PTPRS: variants seen among roughly 807,000 people sequenced by gnomAD.
PTPRS encodes protein tyrosine phosphatase receptor type S.
In PTPRS, 63 loss-of-function variants were observed where a neutral mutation model predicts 215.3. That is an observed-to-expected ratio of 0.29 (90% CI 0.24 to 0.36). PTPRS has a LOEUF of 0.36. Among genes scored for constraint, PTPRS ranks in the 10% least tolerant of loss-of-function variants. The pLI, the probability that PTPRS is intolerant of heterozygous loss-of-function variation, is 1.00. For missense variants in PTPRS, 2,258 were observed against 2,825.8 expected, an observed-to-expected ratio of 0.80 and a Z score of 4.56; for synonymous variants, 1,404 against 1,191.4, an observed-to-expected ratio of 1.18 and a Z score of -3.68.
At chr19:5,231,979 C>G (rs1265413428) in intron 13 of PTPRS, among the ~76,000 whole-genome samples, 1 of 152,234 alleles carries the variant, frequency 6.6e-6, no homozygotes, top group Non-Finnish European at 1.5e-5. Flanking sequence ...CTACTATGTG[C>G]TTGGCATCGT....
Position 5,244,012 on chromosome 19 carries a change from T to TTAAAAAA in PTPRS, c.1458_1459insTTTTTTA (p.Thr487PhefsTer142). The TTAAAAAA allele has an allele frequency of 6.7e-7, 1 of 1,493,690 alleles. No homozygotes were observed. Among genetic ancestry groups the TTAAAAAA allele is most frequent in the Non-Finnish European group, 8.9e-7 (1 of 1,119,160 alleles). The allele number at this position is 1,493,690 out of a possible 1,614,324, so 92.5% of individuals were successfully genotyped here. ...TCGTCCTCCAGCAGGCTGCCCACGG[T>TTAAAAAA]GGTCAGCAGGCTGTCGTCCACGTTG... On this transcript the variant is annotated frameshift_variant, in exon 11 of 38. Coordinates refer to ENST00000262963, the MANE Select transcript of PTPRS (RefSeq NM_002850.4). LOFTEE classifies it high-confidence loss of function. The surrounding 1 kb of genome is among the most constrained non-coding windows in gnomAD (Gnocchi z 7.2).
chr19:5,279,783 C>T (rs1182569345), intron 2 of PTPRS, among the ~76,000 whole-genome samples: 5 of 152,128 alleles, frequency 3.3e-5, no homozygotes, highest in African/African-American at 7.2e-5. Context: ...CCCGGATTCA[C>T]GCCATTCTCC....
intron 1 of PTPRS, among the ~76,000 whole-genome samples, chr19:5,317,769 GT>G (rs1167496535): frequency 6.6e-6 from 1 of 152,188 alleles, no homozygotes; most frequent in African/African-American, 2.4e-5. Context: ...GCCAGGTGCA[GT>G]GGTTCATGCC....
At chr19:5,279,390 A>G (rs1467681038) in intron 2 of PTPRS, among the ~76,000 whole-genome samples, 3 of 151,312 alleles carry the variant, frequency 2.0e-5, no homozygotes, top group Non-Finnish European at 4.4e-5. Context: ...TTTTTTTTAC[A>G]GAGACAGGGT....
At chr19:5,304,756 G>T (rs1284223262) in intron 1 of PTPRS, among the ~76,000 whole-genome samples, 1 of 152,192 alleles carries the variant, frequency 6.6e-6, no homozygotes, top group Non-Finnish European at 1.5e-5. Flanking sequence ...AAATTGCGCT[G>T]GGCTGGGGCA....
At chr19:5,277,813 A>G (rs1020518807) in intron 2 of PTPRS, 2 of 758,862 alleles carry the variant, frequency 2.6e-6, no homozygotes, top group Admixed American at 1.7e-5. Flanking sequence ...CAGTCAGACC[A>G]ATATGTCAAA....
Position 5,265,082 on chromosome 19 carries a change from T to C in PTPRS, c.494A>G (p.Glu165Gly), listed in dbSNP as rs1733445812. ...LCAASGNPDPEITWFKDFLPV... is the reference protein window; with the variant it reads ...LCAASGNPDPGITWFKDFLPV... ...CAGGAAGTCCTTGAACCAGGTGATC[T>C]CAGGGTCAGGGTTGCCGCTGGCTGC... The change falls in exon 5 of 38, where the codon GAG becomes GGG. Residue 165 changes from glutamate to glycine, a missense_variant. Glu to Gly is a moderately conservative substitution (Grantham distance 98, BLOSUM62 -2). Transcript: ENST00000262963. The C allele has an allele frequency of 6.2e-7, 1 of 1,614,030 alleles. No individual in the cohort carries two copies. Among genetic ancestry groups the C allele is most frequent in the Non-Finnish European group, 8.5e-7 (1 of 1,180,022 alleles).
chr19:5,212,031 G>C lies in PTPRS; in HGVS notation c.4989C>G (p.Ala1663=), dbSNP rs748555790. Reference sequence around the variant, plus strand: ...CCACCTGGGCCAGCTTCTGGATGTAGGCATAGAGGCTGCGTGCGGGCACTT... The same window carrying C: ...CCACCTGGGCCAGCTTCTGGATGTACGCATAGAGGCTGCGTGCGGGCACTT... ...NTEVPARSLY[A]YIQKLAQVEP... The change falls in exon 32 of 38, where the codon GCC becomes GCG. Residue 1663 remains alanine (A), a synonymous_variant. Transcript: ENST00000262963. 3.7e-6 allele frequency: 6 copies of C among 1,613,898 alleles called. No individual in the cohort carries two copies. The Admixed American group carries it at 1.0e-4, about 27-fold the overall frequency.
At chr19:5,251,450 C>T (rs1364069616) in intron 9 of PTPRS, among the ~76,000 whole-genome samples, 1 of 145,170 alleles carries the variant, frequency 6.9e-6, no homozygotes, top group African/African-American at 2.6e-5. Flanking sequence ...TTTTTTGGTA[C>T]CCGCTCTCTC....
intron 1 of PTPRS, among the ~76,000 whole-genome samples, chr19:5,307,988 T>C (rs997613247): frequency 6.6e-6 from 1 of 152,126 alleles, no homozygotes; most frequent in African/African-American, 2.4e-5. Flanking sequence ...ATTTACAAGG[T>C]GGTCCTTTAT....
intron 1 of PTPRS, 45 bp from the exon 2 acceptor site, chr19:5,286,279 A>G (rs773622783): frequency 1.6e-5 from 15 of 924,308 alleles, no homozygotes; most frequent in Non-Finnish European, 2.5e-5. Flanking sequence ...GGGGAAATCC[A>G]GGAGACCTTC....
intron 1 of PTPRS, among the ~76,000 whole-genome samples, chr19:5,313,823 G>A (rs998714590): frequency 2.6e-5 from 4 of 152,056 alleles, no homozygotes; most frequent in Non-Finnish European, 5.9e-5. Flanking sequence ...TGCTGGGCAC[G>A]CAGTGGCTCA....
intron 9 of PTPRS, among the ~76,000 whole-genome samples, chr19:5,254,898 C>T (rs2045432558): frequency 6.6e-6 from 1 of 152,182 alleles, no homozygotes; most frequent in African/African-American, 2.4e-5. Context: ...CAGCAGCTGC[C>T]ATTTTGAGTG....
At chr19:5,264,953 C>T (rs1165018252) in intron 5 of PTPRS, 55 bp downstream of exon 5, 2 of 1,590,810 alleles carry the variant, frequency 1.3e-6, no homozygotes, top group South Asian at 2.2e-5. Flanking sequence ...GGAGATGCTC[C>T]CCACCCCCTG....
intron 1 of PTPRS, among the ~76,000 whole-genome samples, chr19:5,305,765 A>ATTTT (rs144512818): frequency 8.6e-5 from 8 of 93,440 alleles, no homozygotes; most frequent in African/African-American, 3.2e-4. Context: ...ATATATATAT[A>ATTTT]TTTTTTTTTT....
chr19:5,320,463 T>C (rs1321347367), intron 1 of PTPRS, among the ~76,000 whole-genome samples: 2 of 152,194 alleles, frequency 1.3e-5, no homozygotes, highest in Non-Finnish European at 2.9e-5. Flanking sequence ...CGGAGTTCGC[T>C]CTGTCCCCCA....
intron 1 of PTPRS, among the ~76,000 whole-genome samples, chr19:5,337,254 C>T (rs1215157657): frequency 6.6e-6 from 1 of 152,224 alleles, no homozygotes; most frequent in Non-Finnish European, 1.5e-5. Context: ...TTAGGGTTTT[C>T]CCTCCCGCTC....
Position 5,215,521 on chromosome 19 carries a change from G to T in PTPRS, c.4171C>A (p.Leu1391Ile), listed in dbSNP as rs1482164454. The part of the protein sequence containing the change: ...HTERLKANDS[L>I]KLSQEYESID... ...ACCTCATACTCCTGGGAGAGCTTGA[G>T]GCTGTCGTTGGCCTTGAGCCGCTCC... is the stretch of plus-strand genomic sequence containing the variant. Residue 1391 changes from leucine (L) to isoleucine (I), a missense_variant, in exon 27 of 38, where the codon CTC becomes ATC. Leu to Ile is a conservative substitution (Grantham distance 5, BLOSUM62 2). This residue lies in a region of PTPRS where 927 missense variants were observed against 1,125.9 expected (regional missense o/e 0.82). Coordinates refer to ENST00000262963, the MANE Select transcript of PTPRS (RefSeq NM_002850.4). 2.2e-5 allele frequency: 36 copies of T among 1,612,024 alleles called. No homozygotes were observed. The highest frequency in any genetic ancestry group is 2.9e-5 in the Non-Finnish European group (34 of 1,178,638).
intron 6 of PTPRS, among the ~76,000 whole-genome samples, chr19:5,261,908 C>T (rs1372988352): frequency 1.3e-5 from 2 of 152,162 alleles, no homozygotes; most frequent in South Asian, 2.1e-4. Flanking sequence ...AACTGGAATC[C>T]GAGTCAGCGG....
Sources: allele counts gnomAD v4.1 joint callset (sites outside exome capture counted in the v4.1 genomes callset), GRCh38; gene constraint gnomAD v4.1.1; regional missense constraint gnomAD v4.1.1; non-coding constraint Gnocchi (gnomAD v3.1); transcripts MANE v1.5; gene names NCBI Gene and HGNC (gene_info 2026-07-23, HGNC 2026-07-21).